SUCLG2: variants seen among roughly 807,000 people sequenced by gnomAD.
SUCLG2 encodes succinate-CoA ligase GDP-forming subunit beta, also known as succinate--CoA ligase [GDP-forming] subunit beta, mitochondrial.
SUCLG2 carries 42 observed loss-of-function variants against 47.9 expected under a neutral mutation model. The observed-to-expected ratio is 0.88, with a 90% CI of 0.69 to 1.14. The LOEUF is 1.14. Among genes scored for constraint, SUCLG2 ranks in the 50% most tolerant of loss-of-function variants. The probability of loss-of-function intolerance (pLI) is 0.00; values close to 1 mark genes in which losing one functional copy is unlikely to be tolerated. For missense variants in SUCLG2, 571 were observed against 525.9 expected (o/e 1.09, Z -0.84); for synonymous variants, 195 against 197.3 (o/e 0.99, Z 0.10).
intron 9 of SUCLG2, among the ~76,000 whole-genome samples, chr3:67,487,200 G>T (rs367598144): frequency 1.3e-5 from 2 of 151,806 alleles, no homozygotes; most frequent in African/African-American, 4.8e-5. Flanking sequence ...TGGGAGGGGT[G>T]GGGGGAATAC....
At chr3:67,529,566 G>C (rs1208240758) in intron 2 of SUCLG2, among the ~76,000 whole-genome samples, 1 of 152,190 alleles carries the variant, frequency 6.6e-6, no homozygotes, top group Non-Finnish European at 1.5e-5. Context: ...CCAGTAAGAG[G>C]AGCTAACCAT....
intron 10 of SUCLG2, among the ~76,000 whole-genome samples, chr3:67,386,158 G>T (rs1008124740): frequency 2.6e-5 from 4 of 151,964 alleles, no homozygotes; most frequent in Admixed American, 6.5e-5. Context: ...GCGCGATCTC[G>T]GCTCACTGCA....
At chr3:67,415,074 C>A (rs954393501) in intron 9 of SUCLG2, among the ~76,000 whole-genome samples, 4 of 152,066 alleles carry the variant, frequency 2.6e-5, no homozygotes, top group African/African-American at 9.7e-5. Context: ...TAGGCTGGTC[C>A]CGAAATCCTG....
chr3:67,414,814 C>T (rs1013095740), intron 9 of SUCLG2, among the ~76,000 whole-genome samples: 9 of 152,136 alleles, frequency 5.9e-5, no homozygotes, highest in African/African-American at 1.9e-4. Flanking sequence ...CCCTCTCTAA[C>T]TTTTGGATTT....
At chr3:67,483,252 G>A (rs1425244407) in intron 9 of SUCLG2, among the ~76,000 whole-genome samples, 1 of 152,000 alleles carries the variant, frequency 6.6e-6, no homozygotes, top group African/African-American at 2.4e-5. Context: ...AAAAAAATCT[G>A]TAATAAAGCA....
intron 1 of SUCLG2, among the ~76,000 whole-genome samples, chr3:67,633,542 A>G (rs1351175620): frequency 6.6e-6 from 1 of 152,222 alleles, no homozygotes; most frequent in African/African-American, 2.4e-5. Flanking sequence ...GCATAATTAC[A>G]GTGATTTGCT....
intron 6 of SUCLG2, among the ~76,000 whole-genome samples, chr3:67,517,167 G>A (rs1705966262): frequency 6.6e-6 from 1 of 152,146 alleles, no homozygotes; most frequent in Non-Finnish European, 1.5e-5. Flanking sequence ...TGCTTTCAAA[G>A]TGAGCCTTTA....
chr3:67,579,560 C>T (rs1450387292), intron 2 of SUCLG2, among the ~76,000 whole-genome samples: 1 of 152,130 alleles, frequency 6.6e-6, no homozygotes, highest in Non-Finnish European at 1.5e-5. Context: ...CACTAAATTA[C>T]AAACCAAGAA....
At chr3:67,458,959 A>AT (rs1704258745) in intron 9 of SUCLG2, among the ~76,000 whole-genome samples, 1 of 152,242 alleles carries the variant, frequency 6.6e-6, no homozygotes. Flanking sequence ...TTGAGACCCA[A>AT]TATAACAAAG....
chr3:67,552,762 A>G (rs1478294148), intron 2 of SUCLG2, among the ~76,000 whole-genome samples: 1 of 152,254 alleles, frequency 6.6e-6, no homozygotes, highest in East Asian at 1.9e-4. Context: ...CAATCTATGT[A>G]AAGACTTTGC....
chr3:67,428,139 GCCT>G (rs1559522284), intron 9 of SUCLG2, among the ~76,000 whole-genome samples: 1 of 152,170 alleles, frequency 6.6e-6, no homozygotes, highest in East Asian at 1.9e-4. Flanking sequence ...TGGACAGACT[GCCT>G]CCTCAAGTGG....
Position 67,408,921 on chromosome 3 carries a change from C to A in SUCLG2, c.1063-8070G>T, listed in dbSNP as rs565420611. ...GCAGTCTCTCTATAATCAGAGACTC[C>A]CAAGATGAGTCAGGAGTTCCAGCTC... On this transcript the variant is annotated intron_variant, in intron 9 of 10. Transcript: ENST00000307227. 55 of 1,526,550 alleles carry A rather than the reference C, an allele frequency of 3.6e-5. No homozygotes were observed. The African/African-American group carries it at 6.8e-4, about 19-fold the overall frequency. The allele number at this position is 1,526,550 out of a possible 1,614,324, so 94.6% of individuals were successfully genotyped here. A position where few individuals can be genotyped will look rare whatever the true frequency, so the allele number is the denominator to read the frequency against.
At chr3:67,482,604 C>T (rs1486620635) in intron 9 of SUCLG2, among the ~76,000 whole-genome samples, 2 of 152,306 alleles carry the variant, frequency 1.3e-5, no homozygotes, top group East Asian at 3.9e-4. Flanking sequence ...GAAGGCTCCA[C>T]TCATGAAATG....
chr3:67,609,619 G>GTC (rs1559594707), intron 1 of SUCLG2, 23 bp from the exon 2 acceptor site: 1 of 1,608,644 alleles, frequency 6.2e-7, no homozygotes, highest in Non-Finnish European at 8.5e-7. Context: ...AAGGAGAGAG[G>GTC]TAAGAACATT....
chr3:67,636,111 T>C (rs557309016), intron 1 of SUCLG2, among the ~76,000 whole-genome samples: 2 of 152,220 alleles, frequency 1.3e-5, no homozygotes, highest in East Asian at 3.9e-4. Context: ...CTTTGAAAGT[T>C]CATCCTATTA....
intron 10 of SUCLG2, among the ~76,000 whole-genome samples, chr3:67,382,471 G>A (rs147282551): frequency 2.7e-3 from 418 of 152,302 alleles, no homozygotes; most frequent in African/African-American, 9.4e-3. Flanking sequence ...AACCCTGACA[G>A]GTCTGATTCT....
At chr3:67,596,955 C>T (rs1212848628) in intron 2 of SUCLG2, among the ~76,000 whole-genome samples, 2 of 152,124 alleles carry the variant, frequency 1.3e-5, no homozygotes, top group Non-Finnish European at 2.9e-5. Flanking sequence ...TCCAAAGATC[C>T]TATAACTGAA....
chr3:67,494,894 TG>T (rs1175429516), intron 9 of SUCLG2, among the ~76,000 whole-genome samples: 19 of 152,166 alleles, frequency 1.2e-4, no homozygotes, highest in African/African-American at 4.6e-4. Context: ...GCCCCTAGCA[TG>T]GGTGTGGTAG....
At chr3:67,460,285 A>T (rs906916711) in intron 9 of SUCLG2, among the ~76,000 whole-genome samples, 3 of 152,232 alleles carry the variant, frequency 2.0e-5, no homozygotes, top group Admixed American at 6.5e-5. Context: ...TAAAAGTTAC[A>T]ATCTGGTTCA....
Sources: gnomAD v4.1 joint callset for allele counts (sites outside exome capture counted in the v4.1 genomes callset) on GRCh38, gnomAD v4.1.1 for gene constraint, MANE v1.5 for transcripts, NCBI Gene and HGNC (gene_info 2026-07-23, HGNC 2026-07-21) for gene names.